The following PBX1 variants were observed in gnomAD, a reference collection of about 807,000 sequenced individuals.
PBX1 encodes PBX homeobox 1.
In PBX1, 6 loss-of-function variants were observed where a neutral mutation model predicts 53.4. The ratio of observed to expected loss-of-function variants is 0.11; its 90% CI spans 0.06 to 0.22. The LOEUF is 0.22. PBX1 is among the 10% of genes least tolerant of loss of function. The pLI is 1.00. For missense variants in PBX1, 251 were observed against 551.4 expected (o/e 0.46, Z 5.46); for synonymous variants, 204 against 212.3 (o/e 0.96, Z 0.34).
intron 2 of PBX1, among the ~76,000 whole-genome samples, chr1:164,870,164 C>T (rs1056547366): frequency 6.6e-6 from 1 of 152,060 alleles, no homozygotes; most frequent in Non-Finnish European, 1.5e-5. Context: ...TAATTATTCT[C>T]ATTCTAAAAT....
chr1:164,635,490 G>A (rs143430163), intron 2 of PBX1, among the ~76,000 whole-genome samples: 1 of 152,360 alleles, frequency 6.6e-6, no homozygotes, highest in African/African-American at 2.4e-5. Context: ...TAGCCCAACT[G>A]TCACTCGACA....
At chr1:164,774,284 A>T (rs1476247030) in intron 2 of PBX1, 6 of 152,224 alleles carry the variant, frequency 3.9e-5, no homozygotes, top group African/African-American at 9.6e-5. Context: ...CACTAAGTAG[A>T]GACTTTTTTG....
Position 164,811,891 on chromosome 1 carries a change from G to A in PBX1, c.838-99G>A, listed in dbSNP as rs185380091. ...AATTATTATAGGATAAGACCAATTA[G>A]CTTACCTCTTCACCTCTCCCATAAA... On this transcript the variant is annotated intron_variant, in intron 5 of 8. Transcript: ENST00000420696. 40 of 901,008 alleles carry A rather than the reference G, an allele frequency of 4.4e-5. No individual in the cohort carries two copies. In the African/African-American group the frequency reaches 6.1e-4, roughly 14 times the overall value. The allele number at this position is 901,008 out of a possible 1,614,324, so 55.8% of individuals were successfully genotyped here. A position where few individuals can be genotyped will look rare whatever the true frequency, so the allele number is the denominator to read the frequency against.
chr1:164,754,634 C>T (rs1666409049), intron 2 of PBX1, among the ~76,000 whole-genome samples: 1 of 152,040 alleles, frequency 6.6e-6, no homozygotes, highest in Non-Finnish European at 1.5e-5. Flanking sequence ...TAACTAAATT[C>T]AGTTTATTGT....
At chr1:164,701,065 C>A (rs894421212) in intron 2 of PBX1, among the ~76,000 whole-genome samples, 1 of 152,126 alleles carries the variant, frequency 6.6e-6, no homozygotes, top group African/African-American at 2.4e-5. Context: ...AGTAATGAAA[C>A]AATATATGCG....
chr1:164,842,254 C>T (rs948381084), intron 8 of PBX1, among the ~76,000 whole-genome samples: 2 of 152,256 alleles, frequency 1.3e-5, no homozygotes, highest in East Asian at 1.9e-4. Flanking sequence ...TTCTGTGTCA[C>T]GTGTCCTGTC....
intron 3 of PBX1, among the ~76,000 whole-genome samples, chr1:164,799,132 T>C (rs1668927744): frequency 6.6e-6 from 1 of 152,056 alleles, no homozygotes; most frequent in Non-Finnish European, 1.5e-5. Flanking sequence ...TTTACTGTGG[T>C]AAAATCATGG....
At chr1:164,674,847 GCCCCCCC>G (rs78130048) in intron 2 of PBX1, 1 of 40,616 alleles carries the variant, frequency 2.5e-5, no homozygotes, top group African/African-American at 6.4e-5. Context: ...AGAAATCACA[GCCCCCCC>G]CCCCCCCCAC....
intron 2 of PBX1, chr1:164,700,744 C>T: frequency 8.1e-6 from 8 of 985,128 alleles, no homozygotes; most frequent in Non-Finnish European, 9.6e-6. Context: ...TTGCCAGTTT[C>T]AGTGAACAAG....
intron 2 of PBX1, among the ~76,000 whole-genome samples, chr1:164,871,480 T>C (rs1672381124): frequency 6.6e-6 from 1 of 152,214 alleles, no homozygotes. Flanking sequence ...AGCTGCTGAT[T>C]TGGGTTTTCC....
chr1:164,756,289 GCTGT>G (rs1384043451), intron 2 of PBX1, among the ~76,000 whole-genome samples: 2 of 152,140 alleles, frequency 1.3e-5, no homozygotes, highest in Non-Finnish European at 2.9e-5. Flanking sequence ...TCACAAAAGG[GCTGT>G]CTGATTTTTT....
At chr1:164,805,795 A>C (rs1276958965) in intron 4 of PBX1, among the ~76,000 whole-genome samples, 1 of 152,178 alleles carries the variant, frequency 6.6e-6, no homozygotes, top group African/African-American at 2.4e-5. Context: ...TTTTAAATCC[A>C]ATCTGTACAA....
intron 2 of PBX1, among the ~76,000 whole-genome samples, chr1:164,590,839 A>G (rs1256655049): frequency 2.6e-5 from 4 of 151,872 alleles, no homozygotes; most frequent in African/African-American, 9.7e-5. Flanking sequence ...CCAGACATTT[A>G]TTGAGGTTTT....
chr1:164,601,553 T>C (rs1656175719), intron 2 of PBX1, among the ~76,000 whole-genome samples: 1 of 152,134 alleles, frequency 6.6e-6, no homozygotes, highest in African/African-American at 2.4e-5. Flanking sequence ...TGCCCTTTTC[T>C]GGAGGAGGTG....
intron 2 of PBX1, among the ~76,000 whole-genome samples, chr1:164,579,038 C>T (rs187599436): frequency 2.6e-5 from 4 of 151,896 alleles, no homozygotes; most frequent in African/African-American, 9.7e-5. Flanking sequence ...ATTTACCACC[C>T]GCTGAATAGG....
chr1:164,724,285 C>G (rs895029285), intron 2 of PBX1, among the ~76,000 whole-genome samples: 3 of 152,152 alleles, frequency 2.0e-5, no homozygotes, highest in Admixed American at 1.3e-4. Flanking sequence ...GGATTTCTCA[C>G]CCGTAAGTGC....
At chr1:164,724,670 ATTTTT>A (rs59042806) in intron 2 of PBX1, among the ~76,000 whole-genome samples, 143 of 48,026 alleles carry the variant, frequency 3.0e-3, no homozygotes, top group South Asian at 6.3e-3. Flanking sequence ...ATAGCTGCAG[ATTTTT>A]TTTTTTTTTT....
chr1:164,692,789 T>A (rs1662570037), intron 2 of PBX1, among the ~76,000 whole-genome samples: 1 of 152,142 alleles, frequency 6.6e-6, no homozygotes. Context: ...ATCAAAGAAA[T>A]TTTCTGGAGC....
intron 8 of PBX1, among the ~76,000 whole-genome samples, chr1:164,823,821 G>C (rs558746095): frequency 6.6e-6 from 1 of 152,106 alleles, no homozygotes; most frequent in Admixed American, 6.5e-5. Flanking sequence ...TTTATTTCTG[G>C]GTCTTTAATA....
Sources: gnomAD v4.1 joint callset for allele counts (sites outside exome capture counted in the v4.1 genomes callset) on GRCh38, gnomAD v4.1.1 for gene constraint, MANE v1.5 for transcripts, NCBI Gene and HGNC (gene_info 2026-07-23, HGNC 2026-07-21) for gene names.